GALNT14: variants seen among roughly 807,000 people sequenced by gnomAD.
GALNT14 encodes the protein UDP-GalNAc:polypeptide N-acetylgalactosaminyltransferase 14.
In GALNT14, 60 loss-of-function variants were observed where a neutral mutation model predicts 77.5. That is an observed-to-expected ratio of 0.77 (90% confidence interval 0.63 to 0.96). GALNT14 has a LOEUF of 0.96. Ranked by LOEUF, GALNT14 falls within the 40% of genes least tolerant of loss-of-function variation. The probability of loss-of-function intolerance (pLI) is 0.00; values close to 1 mark genes in which losing one functional copy is unlikely to be tolerated. For missense variants in GALNT14, 710 were observed against 731.0 expected, an observed-to-expected ratio of 0.97 and a Z score of 0.33; for synonymous variants, 280 against 281.7, an observed-to-expected ratio of 0.99 and a Z score of 0.06.
chr2:30,979,899 G>T (rs73923320), intron 2 of GALNT14, among the ~76,000 whole-genome samples: 6,483 of 152,208 alleles, frequency 0.043, 465 homozygotes, highest in African/African-American at 0.15. Context: ...AACACATTTT[G>T]TAGTTGCTGG....
intron 2 of GALNT14, among the ~76,000 whole-genome samples, chr2:30,973,781 T>C (rs997765592): frequency 6.6e-6 from 1 of 152,226 alleles, no homozygotes; most frequent in African/African-American, 2.4e-5. Context: ...CATAAACATA[T>C]ACTGCTCTTA....
chr2:31,077,933 G>C (rs2194470), intron 1 of GALNT14, among the ~76,000 whole-genome samples: 2 of 151,844 alleles, frequency 1.3e-5, no homozygotes, highest in Non-Finnish European at 2.9e-5. Context: ...GGAATGTATA[G>C]TAGGTTACAA....
At chr2:30,988,077 G>T (rs1392945349) in intron 2 of GALNT14, among the ~76,000 whole-genome samples, 1 of 152,332 alleles carries the variant, frequency 6.6e-6, no homozygotes, top group African/African-American at 2.4e-5. Context: ...AGGAGAAGGG[G>T]CTTCCTTTAG....
intron 3 of GALNT14, among the ~76,000 whole-genome samples, chr2:30,961,122 A>G (rs1261134595): frequency 6.6e-6 from 1 of 152,212 alleles, no homozygotes; most frequent in Non-Finnish European, 1.5e-5. Flanking sequence ...TAACTGTGCA[A>G]TCCTGAACCA....
At chr2:30,910,165 C>G (rs1278604874), downstream of GALNT14, among the ~76,000 whole-genome samples, 1 of 151,446 alleles carries the variant, frequency 6.6e-6, no homozygotes, top group Non-Finnish European at 1.5e-5. Flanking sequence ...ACATATGTAA[C>G]TAACCTGCAC....
the GALNT14 span, among the ~76,000 whole-genome samples, chr2:30,902,022 A>G: frequency 2.0e-5 from 3 of 152,148 alleles, no homozygotes; most frequent in Non-Finnish European, 2.9e-5. Flanking sequence ...CCAGGTTACT[A>G]CCTTTTGGCA....
chr2:31,127,884 G>C (rs1023172180), intron 1 of GALNT14, among the ~76,000 whole-genome samples: 5 of 152,152 alleles, frequency 3.3e-5, no homozygotes, highest in African/African-American at 9.7e-5. Context: ...GGGTCATCTA[G>C]GTTTACATTT....
At chr2:31,064,546 T>A (rs1003862032) in intron 1 of GALNT14, among the ~76,000 whole-genome samples, 4 of 152,174 alleles carry the variant, frequency 2.6e-5, no homozygotes, top group East Asian at 3.9e-4. Flanking sequence ...AAAATGAACA[T>A]CTATTCTAAT....
intron 1 of GALNT14, among the ~76,000 whole-genome samples, chr2:31,038,564 G>A (rs746403838): frequency 6.6e-6 from 1 of 151,970 alleles, no homozygotes; most frequent in Non-Finnish European, 1.5e-5. Flanking sequence ...TTGGCCGGGG[G>A]AGGGGGAGGG....
chr2:31,035,695 C>A (rs1672698519), intron 1 of GALNT14, among the ~76,000 whole-genome samples: 1 of 149,796 alleles, frequency 6.7e-6, no homozygotes, highest in Admixed American at 6.7e-5. Context: ...AGAATCAGAT[C>A]ATGTCCTTTG....
At chr2:30,944,728 G>T in intron 8 of GALNT14, 130 bp downstream of exon 8, 1 of 661,868 alleles carries the variant, frequency 1.5e-6, no homozygotes, top group East Asian at 2.7e-5. Flanking sequence ...AGGCAAAAGT[G>T]GAGATGGCCT....
At chr2:31,038,082 ATATTTTTTTTTTTTTT>A (rs1440251283) in intron 1 of GALNT14, among the ~76,000 whole-genome samples, 31 of 70,160 alleles carry the variant, frequency 4.4e-4, no homozygotes, top group African/African-American at 2.0e-3. Context: ...ATATATATAT[ATATTTTTTTTTTTTTT>A]TTTTTTTTTT....
intron 1 of GALNT14, among the ~76,000 whole-genome samples, chr2:31,064,905 T>A (rs1674838038): frequency 6.6e-6 from 1 of 151,452 alleles, no homozygotes; most frequent in Non-Finnish European, 1.5e-5. Flanking sequence ...TAAACAAAGA[T>A]GAGAAGGGAA....
intron 2 of GALNT14, among the ~76,000 whole-genome samples, chr2:30,992,439 G>A (rs1467431283): frequency 2.6e-5 from 4 of 152,142 alleles, no homozygotes; most frequent in Non-Finnish European, 5.9e-5. Flanking sequence ...CCACCTACCT[G>A]CCCCAGGGTC....
In GALNT14 at chr2:30,992,502, G is replaced by A. The variant is rs567995937; in HGVS notation, c.299+336C>T. On this transcript the variant is annotated intron_variant, in intron 2 of 14. Transcript: ENST00000349752. ...AACCCAGCCTCGGGTGTGGGAATCTGCCAGGGAAAAACAGGCCTTGGCTGT... is the reference window on the plus strand; with the variant it reads ...AACCCAGCCTCGGGTGTGGGAATCTACCAGGGAAAAACAGGCCTTGGCTGT... Among the ~76,000 whole-genome samples, 24 of 152,254 alleles carry A rather than the reference G, an allele frequency of 1.6e-4. 1 individual carries two copies. In the South Asian group the frequency reaches 5.0e-3, roughly 32 times the overall value.
chr2:31,113,442 C>T (rs550730857), intron 1 of GALNT14, among the ~76,000 whole-genome samples: 5 of 152,126 alleles, frequency 3.3e-5, no homozygotes, highest in Non-Finnish European at 7.4e-5. Context: ...GGAGAGGCCC[C>T]TGGGAGGAAG....
At chr2:30,935,682 C>G (rs1023760979) in intron 9 of GALNT14, among the ~76,000 whole-genome samples, 1 of 152,174 alleles carries the variant, frequency 6.6e-6, no homozygotes, top group Non-Finnish European at 1.5e-5. Flanking sequence ...GTGGGATATA[C>G]AGGTGCTCTA....
chr2:31,125,683 G>T (rs551097889), intron 1 of GALNT14, among the ~76,000 whole-genome samples: 1 of 152,296 alleles, frequency 6.6e-6, no homozygotes, highest in Non-Finnish European at 1.5e-5. Context: ...ATTTGTTTTT[G>T]CAGCTAATAA....
At chr2:31,092,763 G>A (rs1363715533) in intron 1 of GALNT14, among the ~76,000 whole-genome samples, 6 of 152,196 alleles carry the variant, frequency 3.9e-5, no homozygotes, top group Non-Finnish European at 7.3e-5. Context: ...AATGTACAGT[G>A]TAGTGAATAT....
Sources: gnomAD v4.1 joint callset for allele counts (sites outside exome capture counted in the v4.1 genomes callset) on GRCh38, gnomAD v4.1.1 for gene constraint, MANE v1.5 for transcripts, NCBI Gene and HGNC (gene_info 2026-07-23, HGNC 2026-07-21) for gene names.